PDE10A: variants seen among roughly 807,000 people sequenced by gnomAD.
The protein encoded by PDE10A is cAMP and cAMP-inhibited cGMP 3',5'-cyclic phosphodiesterase 10A.
PDE10A carries 39 observed loss-of-function variants against 97.7 expected under a neutral mutation model. The ratio of observed to expected loss-of-function variants is 0.40; its 90% CI spans 0.31 to 0.52. The LOEUF (loss-of-function observed/expected upper bound fraction) is 0.52. Among genes scored for constraint, PDE10A ranks in the 20% least tolerant of loss-of-function variants. The pLI, the probability that PDE10A is intolerant of heterozygous loss-of-function variation, is 0.56. For synonymous variants in PDE10A, 371 were observed against 376.8 expected (o/e 0.98, Z 0.18); for missense variants, 731 against 1,047.8 (o/e 0.70, Z 4.17).
intron 18 of PDE10A, among the ~76,000 whole-genome samples, chr6:165,362,027 T>C (rs1562382955): frequency 6.6e-6 from 1 of 152,152 alleles, no homozygotes; most frequent in Non-Finnish European, 1.5e-5. Flanking sequence ...TCAAAGCTCA[T>C]GGGATGCAGT....
intron 2 of PDE10A, among the ~76,000 whole-genome samples, chr6:165,530,385 T>A (rs1489663001): frequency 1.3e-5 from 2 of 148,314 alleles, no homozygotes; most frequent in African/African-American, 5.0e-5. Flanking sequence ...AAACTATGCA[T>A]CCAAAAAAGG....
chr6:165,502,148 T>C (rs601118), intron 2 of PDE10A, among the ~76,000 whole-genome samples: 1 of 152,188 alleles, frequency 6.6e-6, no homozygotes, highest in East Asian at 1.9e-4. Flanking sequence ...CAGATGCACA[T>C]ATAAGGGTGA....
chr6:165,477,434 T>C (rs1375828076), intron 3 of PDE10A, among the ~76,000 whole-genome samples: 13 of 152,198 alleles, frequency 8.5e-5, no homozygotes, highest in Admixed American at 5.2e-4. Flanking sequence ...TACCACACAC[T>C]ATGTAAATGC....
At chr6:165,668,752 A>G (rs561054858) in intron 1 of PDE10A, among the ~76,000 whole-genome samples, 3 of 125,668 alleles carry the variant, frequency 2.4e-5, no homozygotes, top group Non-Finnish European at 3.5e-5. Flanking sequence ...ACAGAAAGAG[A>G]AAGGAAGGAA....
chr6:165,902,330 C>G (rs1433275113), intron 1 of PDE10A, among the ~76,000 whole-genome samples: 2 of 152,228 alleles, frequency 1.3e-5, no homozygotes, highest in Non-Finnish European at 2.9e-5. Context: ...CAAAAATGAG[C>G]AAGCGGCAAG....
At chr6:165,622,461 T>C (rs1788190519) in intron 1 of PDE10A, among the ~76,000 whole-genome samples, 1 of 152,260 alleles carries the variant, frequency 6.6e-6, no homozygotes, top group South Asian at 2.1e-4. Context: ...GGCCACAGAC[T>C]GTACAGCATG....
chr6:165,732,579 T>C (rs1352101393), intron 1 of PDE10A, among the ~76,000 whole-genome samples: 1 of 152,150 alleles, frequency 6.6e-6, no homozygotes, highest in African/African-American at 2.4e-5. Flanking sequence ...CCCTATTGAG[T>C]GAGCAGGCCA....
chr6:165,525,612 T>C (rs1477872901), intron 2 of PDE10A, among the ~76,000 whole-genome samples: 1 of 152,170 alleles, frequency 6.6e-6, no homozygotes, highest in Non-Finnish European at 1.5e-5. Flanking sequence ...CCTGCATCTT[T>C]GAAGAGCCTT....
At chr6:165,742,171 G>A (rs1792742106) in intron 1 of PDE10A, among the ~76,000 whole-genome samples, 1 of 152,126 alleles carries the variant, frequency 6.6e-6, no homozygotes, top group South Asian at 2.1e-4. Context: ...AGAGAATTAT[G>A]TGACAAAGCC....
At position 165,370,142 on chromosome 6, in the gene PDE10A, C is replaced by G. The variant is rs1283080392; in HGVS notation, c.2783+9052G>C. Reference sequence around the variant, plus strand: ...CAAAATCATGCCAAAATGTAAAGACCATCGAGACTAAGAAGAAACTGCATC... The same window carrying G: ...CAAAATCATGCCAAAATGTAAAGACGATCGAGACTAAGAAGAAACTGCATC... On this transcript the variant is annotated intron_variant, in intron 18 of 21. Transcript: ENST00000539869. 1.1e-4 allele frequency among the ~76,000 whole-genome samples: 16 copies of G among 151,952 alleles called. 1 individual carries two copies. The highest frequency in any genetic ancestry group is 2.4e-4 in the Non-Finnish European group (16 of 68,008).
rs923783661 is a variant in PDE10A at position 165,662,465 on chromosome 6, A to G, written c.347T>C (p.Phe116Ser). The change falls in exon 1 of 22, where the codon TTT becomes TCT. Residue 116 changes from phenylalanine to serine, a missense_variant. Transcript: ENST00000539869. ...SRVPSSSPSF[F>S]YFWPPPPPPP... ...CGGGGGGGGCGGCGGCCAGAAGTAA[A>G]AGAAAGATGGAGAGGAGGAGGGGAC... 6.9e-6 allele frequency: 1 copy of G among 144,976 alleles called. No individual in the cohort carries two copies. Among genetic ancestry groups the G allele is most frequent in the Non-Finnish European group, 1.5e-5 (1 of 65,716 alleles). 9.0% of individuals were successfully genotyped at this position (144,976 alleles called of 1,614,324 possible). A position where few individuals can be genotyped will look rare whatever the true frequency, so the allele number is the denominator to read the frequency against.
At chr6:165,675,994 G>A (rs1246859668) in intron 1 of PDE10A, among the ~76,000 whole-genome samples, 9 of 152,144 alleles carry the variant, frequency 5.9e-5, no homozygotes, top group Non-Finnish European at 8.8e-5. Flanking sequence ...CTAAGTGTCC[G>A]TCAGCTAATG....
chr6:165,459,487 CATTA>C (rs1778163543), intron 3 of PDE10A, among the ~76,000 whole-genome samples: 1 of 146,132 alleles, frequency 6.8e-6, no homozygotes, highest in African/African-American at 2.5e-5. Context: ...GCTTCTAATG[CATTA>C]GATAGATAGA....
chr6:165,924,969 T>G (rs2128489255), intron 1 of PDE10A, among the ~76,000 whole-genome samples: 1 of 151,866 alleles, frequency 6.6e-6, no homozygotes, highest in South Asian at 2.1e-4. Context: ...CTGAAGAGAT[T>G]GAAAAGGCAA....
chr6:165,534,073 G>A (rs1583484830), intron 2 of PDE10A, among the ~76,000 whole-genome samples: 1 of 151,898 alleles, frequency 6.6e-6, no homozygotes, highest in East Asian at 1.9e-4. Flanking sequence ...AAAAAAGAAA[G>A]AAGACTCAAA....
chr6:165,635,235 T>C (rs1320392308), intron 1 of PDE10A, among the ~76,000 whole-genome samples: 1 of 152,310 alleles, frequency 6.6e-6, no homozygotes, highest in African/African-American at 2.4e-5. Flanking sequence ...CAGGCAAGTA[T>C]GATCCCAAAA....
intron 3 of PDE10A, among the ~76,000 whole-genome samples, chr6:165,460,307 A>C (rs777896128): frequency 1.3e-5 from 2 of 152,224 alleles, no homozygotes; most frequent in Non-Finnish European, 2.9e-5. Context: ...TTCAGATTAC[A>C]ATGGGGAAAT....
At chr6:165,656,632 CG>C (rs1789982327) in intron 1 of PDE10A, among the ~76,000 whole-genome samples, 1 of 152,146 alleles carries the variant, frequency 6.6e-6, no homozygotes, top group South Asian at 2.1e-4. Context: ...TCTTATCACC[CG>C]GGTCCCCAAC....
intron 1 of PDE10A, among the ~76,000 whole-genome samples, chr6:165,734,450 C>G (rs1166737099): frequency 6.6e-6 from 1 of 152,016 alleles, no homozygotes; most frequent in Non-Finnish European, 1.5e-5. Flanking sequence ...CTAGAACAAG[C>G]AAAACATCTA....
Sources: gnomAD v4.1 joint callset for allele counts (sites outside exome capture counted in the v4.1 genomes callset) on GRCh38, gnomAD v4.1.1 for gene constraint, MANE v1.5 for transcripts, NCBI Gene and HGNC (gene_info 2026-07-23, HGNC 2026-07-21) for gene names.